VAV1: variants seen among roughly 807,000 people sequenced by gnomAD.
VAV1 encodes vav guanine nucleotide exchange factor 1.
A neutral mutation model predicts 128.1 loss-of-function variants in VAV1; 33 were observed. The ratio of observed to expected loss-of-function variants is 0.26; its 90% confidence interval spans 0.20 to 0.34. The LOEUF (loss-of-function observed/expected upper bound fraction) is 0.34. VAV1 is among the 10% of genes least tolerant of loss of function. VAV1 has a pLI of 1.00. For synonymous variants in VAV1, 394 were observed against 409.8 expected, an observed-to-expected ratio of 0.96 and a Z score of 0.47; for missense variants, 715 against 1,093.7, an observed-to-expected ratio of 0.65 and a Z score of 4.88.
At chr19:6,853,550 T>C (rs1318441736) in intron 25 of VAV1, among the ~76,000 whole-genome samples, 2 of 150,058 alleles carry the variant, frequency 1.3e-5, no homozygotes, top group Non-Finnish European at 3.0e-5. Flanking sequence ...ATGGTGAAAC[T>C]CCATCTCTAC....
intron 22 of VAV1, among the ~76,000 whole-genome samples, chr19:6,844,520 G>A (rs552492238): frequency 1.3e-5 from 2 of 152,100 alleles, no homozygotes; most frequent in East Asian, 3.9e-4. Context: ...CCCAGCCGAC[G>A]CTCCCATCTT....
At position 6,777,472 on chromosome 19, in the gene VAV1, C is replaced by T. The variant is rs1386836127; in HGVS notation, c.204+4461C>T. 6.6e-6 allele frequency among the ~76,000 whole-genome samples: 1 copy of T among 152,130 alleles called. No homozygotes were observed. Among genetic ancestry groups the T allele is most frequent in the Non-Finnish European group, 1.5e-5 (1 of 68,020 alleles). On this transcript the variant is annotated intron_variant, in intron 1 of 26. Transcript: ENST00000602142. The surrounding 1 kb of genome is among the most constrained non-coding windows in gnomAD (Gnocchi z 4.4). ...CTGCTCTGGAGAAAACAAAGTGGAACAGGGTATGAGGGGGGCACTTTGACG... is the reference window on the plus strand; with the variant it reads ...CTGCTCTGGAGAAAACAAAGTGGAATAGGGTATGAGGGGGGCACTTTGACG...
At position 6,820,238 on chromosome 19, in the gene VAV1, TTTTG is replaced by T. The variant is rs939142155; in HGVS notation, c.205-451_205-448del. 1.3e-5 allele frequency among the ~76,000 whole-genome samples: 2 copies of T among 152,008 alleles called. No homozygotes were observed. The highest frequency in any genetic ancestry group is 2.4e-5 in the African/African-American group (1 of 41,392). ...GGAGGTGGAGGCAGGAGGCATGGTT[TTTTG>T]TTTGTTTGTTTGAGACAGGGTCTTG... On this transcript the variant is annotated intron_variant, in intron 1 of 26. Transcript: ENST00000602142. This position sits in a 1 kb window ranked among gnomAD's most constrained non-coding sequence, Gnocchi z 4.4.
chr19:6,783,885 A>G (rs1970827344), intron 1 of VAV1, among the ~76,000 whole-genome samples: 1 of 152,100 alleles, frequency 6.6e-6, no homozygotes, highest in South Asian at 2.1e-4. Context: ...TTGGACGCAA[A>G]GAAGTCACTG....
chr19:6,818,059 A>G (rs1971697573), intron 1 of VAV1, among the ~76,000 whole-genome samples: 1 of 151,992 alleles, frequency 6.6e-6, no homozygotes, highest in South Asian at 2.1e-4. Flanking sequence ...GGCTCAAGTG[A>G]TTCTCTCACT....
At chr19:6,843,055 A>G in intron 21 of VAV1, 80 bp from the exon 22 acceptor site, 1 of 1,431,702 alleles carries the variant, frequency 7.0e-7, no homozygotes, top group Non-Finnish European at 9.8e-7. Context: ...GAGTGAATGA[A>G]TGAATGAATG....
chr19:6,843,390 T>C (rs1421610389), intron 22 of VAV1, among the ~76,000 whole-genome samples: 1 of 152,124 alleles, frequency 6.6e-6, no homozygotes, highest in African/African-American at 2.4e-5. Context: ...ATGGTTACAA[T>C]GATGATGACG....
At chr19:6,786,278 C>T (rs182598059) in intron 1 of VAV1, among the ~76,000 whole-genome samples, 28 of 152,132 alleles carry the variant, frequency 1.8e-4, no homozygotes, top group African/African-American at 6.7e-4. Context: ...CAGGGGCTGG[C>T]AAATGATAAC....
intron 1 of VAV1, among the ~76,000 whole-genome samples, chr19:6,779,973 T>A (rs1568280907): frequency 6.7e-6 from 1 of 148,798 alleles, no homozygotes; most frequent in African/African-American, 2.4e-5. Flanking sequence ...TAGCCGGGCG[T>A]GGTTGCGGGC....
At position 6,857,319 on chromosome 19, in the gene VAV1, C is replaced by T. The variant is rs539238138; in HGVS notation, c.*212C>T. On this transcript the variant is annotated 3_prime_UTR_variant, in exon 27 of 27. Transcript: ENST00000602142. ...TTCCTCTTGGGTCCCCTCAAGCAGA[C>T]GGGGCTCAAGGGGGTTACATTTAAT... The T allele has an allele frequency of 1.8e-5, 11 of 599,524 alleles. No individual in the cohort carries two copies. The highest frequency in any genetic ancestry group is 9.3e-5 in the Admixed American group (3 of 32,324). The allele number at this position is 599,524 out of a possible 1,614,324, so 37.1% of individuals were successfully genotyped here. A position where few individuals can be genotyped will look rare whatever the true frequency, so the allele number is the denominator to read the frequency against.
chr19:6,773,860 G>C (rs1970557970), intron 1 of VAV1, among the ~76,000 whole-genome samples: 1 of 152,070 alleles, frequency 6.6e-6, no homozygotes, highest in South Asian at 2.1e-4. Context: ...TGCTGGGTGG[G>C]AACGGGGGAC....
chr19:6,844,064 T>TTTTTTTTTTTTTTTTTG, intron 22 of VAV1, among the ~76,000 whole-genome samples: 1 of 30,466 alleles, frequency 3.3e-5, no homozygotes, highest in African/African-American at 1.3e-4. Context: ...CTTCTTCTTC[T>TTTTTTTTTTTTTTTTTG]TTTTTTTTTT....
intron 1 of VAV1, among the ~76,000 whole-genome samples, chr19:6,795,501 AT>A (rs1459220894): frequency 2.2e-5 from 3 of 138,300 alleles, no homozygotes; most frequent in African/African-American, 8.2e-5. Flanking sequence ...TATTGAATTA[AT>A]TTTATTTATA....
At chr19:6,815,941 CA>C (rs2144758537) in intron 1 of VAV1, among the ~76,000 whole-genome samples, 1 of 151,920 alleles carries the variant, frequency 6.6e-6, no homozygotes, top group African/African-American at 2.4e-5. Flanking sequence ...GTAATACCAA[CA>C]TTTAGGGAGG....
chr19:6,836,699 A>G (rs1335193744), intron 20 of VAV1, 131 bp downstream of exon 20: 1 of 1,404,070 alleles, frequency 7.1e-7, no homozygotes, highest in Non-Finnish European at 9.6e-7. Context: ...GGGTAGGTAG[A>G]CTGAGACTTC....
chr19:6,776,591 TC>T (rs978519981), intron 1 of VAV1, among the ~76,000 whole-genome samples: 2 of 150,274 alleles, frequency 1.3e-5, no homozygotes, highest in African/African-American at 4.9e-5. Context: ...CATCCGTCCA[TC>T]CACTCATCCA....
At chr19:6,834,191 G>T (rs759733938) in intron 19 of VAV1, among the ~76,000 whole-genome samples, 28 of 151,408 alleles carry the variant, frequency 1.8e-4, no homozygotes, top group South Asian at 6.3e-4. Flanking sequence ...TTGCTACGTT[G>T]CCCAGCCATA....
intron 1 of VAV1, among the ~76,000 whole-genome samples, chr19:6,790,559 C>G (rs1418972058): frequency 6.6e-6 from 1 of 152,188 alleles, no homozygotes; most frequent in Non-Finnish European, 1.5e-5. Flanking sequence ...GACAGGCGAG[C>G]CCCTAGATTG....
At chr19:6,840,970 G>A (rs1190513233) in intron 21 of VAV1, among the ~76,000 whole-genome samples, 1 of 151,854 alleles carries the variant, frequency 6.6e-6, no homozygotes. Context: ...TAGAGACAGG[G>A]TTTCACCATG....
Sources: gnomAD v4.1 joint callset for allele counts (sites outside exome capture counted in the v4.1 genomes callset) on GRCh38, gnomAD v4.1.1 for gene constraint, Gnocchi (gnomAD v3.1) non-coding constraint, MANE v1.5 for transcripts, NCBI Gene and HGNC (gene_info 2026-07-23, HGNC 2026-07-21) for gene names.